The following DNM3 variants were observed in gnomAD, a reference collection of about 807,000 sequenced individuals.
DNM3 encodes dynamin 3, also known as dynamin-3.
Under a neutral mutation model 101.6 loss-of-function variants are expected in DNM3, and 47 were observed. The ratio of observed to expected loss-of-function variants is 0.46; its 90% confidence interval spans 0.37 to 0.59. The LOEUF is 0.59. DNM3 is among the 20% of genes least tolerant of loss of function. The pLI is 0.00. For synonymous variants in DNM3, 385 were observed against 387.9 expected, an observed-to-expected ratio of 0.99 and a Z score of 0.09; for missense variants, 849 against 1,085.7, an observed-to-expected ratio of 0.78 and a Z score of 3.06.
At chr1:171,959,829 T>A (rs1313315989) in intron 2 of DNM3, among the ~76,000 whole-genome samples, 1 of 151,582 alleles carries the variant, frequency 6.6e-6, no homozygotes, top group Non-Finnish European at 1.5e-5. Context: ...AGTTAGGAGG[T>A]TTGTGCTGAC....
At chr1:172,393,667 T>A (rs1057219282) in intron 20 of DNM3, 2 of 152,750 alleles carry the variant, frequency 1.3e-5, no homozygotes, top group African/African-American at 4.8e-5. Flanking sequence ...TCTTGTGACC[T>A]CTGATGTCAG....
intron 17 of DNM3, among the ~76,000 whole-genome samples, chr1:172,352,315 G>T (rs2067235825): frequency 6.6e-6 from 1 of 152,094 alleles, no homozygotes; most frequent in Non-Finnish European, 1.5e-5. Flanking sequence ...AATGACTAAA[G>T]TTCTTATATC....
chr1:171,865,515 C>CA lies in DNM3; in HGVS notation c.161+23723dup, dbSNP rs57826674. Among the ~76,000 whole-genome samples the CA allele has an allele frequency of 4.1e-3, 328 of 80,564 alleles. 3 individuals are homozygous for CA. The highest frequency in any genetic ancestry group is 0.021 in the Admixed American group (127 of 6,032). The allele number at this position is 80,564 out of a possible 152,430, so 52.9% of individuals were successfully genotyped here. A position where few individuals can be genotyped will look rare whatever the true frequency, so the allele number is the denominator to read the frequency against. On this transcript the variant is annotated intron_variant, in intron 1 of 20. Coordinates refer to ENST00000627582, the MANE Select transcript of DNM3 (RefSeq NM_015569.5). ...TGGGTGACAGAGCAAGATCCTGTCT[C>CA]AAAAAAAAAAAAAAAAAAAAAAAAA... is the stretch of plus-strand genomic sequence containing the variant.
At chr1:172,121,677 G>T (rs2056330678) in intron 13 of DNM3, among the ~76,000 whole-genome samples, 1 of 152,160 alleles carries the variant, frequency 6.6e-6, no homozygotes, top group Non-Finnish European at 1.5e-5. Flanking sequence ...GTAACTTGGA[G>T]TTCTGTTTAA....
chr1:172,281,651 A>G (rs1203385057), intron 15 of DNM3, among the ~76,000 whole-genome samples: 2 of 152,186 alleles, frequency 1.3e-5, no homozygotes, highest in Admixed American at 6.6e-5. Flanking sequence ...AAATATACCA[A>G]TGAACTTGAT....
intron 14 of DNM3, among the ~76,000 whole-genome samples, chr1:172,227,117 C>T (rs2061153828): frequency 6.6e-6 from 1 of 151,554 alleles, no homozygotes; most frequent in Non-Finnish European, 1.5e-5. Context: ...TCCTTGCATA[C>T]TCATAACTTA....
chr1:172,283,780 A>AAAAAAAAAAAAAAAAAAAAAAAAAAAAAG (rs1553221113), intron 15 of DNM3, among the ~76,000 whole-genome samples: 2 of 119,086 alleles, frequency 1.7e-5, no homozygotes, highest in African/African-American at 3.4e-5. Flanking sequence ...AAAAAAAAAA[A>AAAAAAAAAAAAAAAAAAAAAAAAAAAAAG]AAAGAAAGAA....
Position 172,066,984 on chromosome 1 carries a change from G to GT in DNM3, c.1336-1834dup, listed in dbSNP as rs2051731760. 9.2e-5 allele frequency among the ~76,000 whole-genome samples: 14 copies of GT among 152,032 alleles called. No homozygotes were observed. The South Asian group carries it at 2.7e-3, about 29-fold the overall frequency. ...TGTGTGTGTGTGTGTGTTTGTGTGT[G>GT]TGTGCGCGCGTGCAAGACTTTTGAT... On this transcript the variant is annotated intron_variant, in intron 10 of 20. Coordinates refer to ENST00000627582, the MANE Select transcript of DNM3 (RefSeq NM_015569.5).
intron 4 of DNM3, among the ~76,000 whole-genome samples, chr1:172,021,186 C>T (rs2047826886): frequency 6.6e-6 from 1 of 152,176 alleles, no homozygotes; most frequent in African/African-American, 2.4e-5. Flanking sequence ...TAAAGGAAGC[C>T]TTGGCTGGGC....
chr1:172,081,019 T>C (rs1443650960), intron 11 of DNM3, among the ~76,000 whole-genome samples: 1 of 152,206 alleles, frequency 6.6e-6, no homozygotes, highest in East Asian at 1.9e-4. Context: ...AGAAATCACC[T>C]GCTTCTGTGT....
chr1:172,404,788 C>T (rs2070760454), intron 20 of DNM3, among the ~76,000 whole-genome samples: 1 of 152,092 alleles, frequency 6.6e-6, no homozygotes, highest in Non-Finnish European at 1.5e-5. Flanking sequence ...TTTTGCCCCA[C>T]TTTTCCACTT....
At chr1:172,349,680 C>T (rs1436116091) in intron 17 of DNM3, among the ~76,000 whole-genome samples, 1 of 151,808 alleles carries the variant, frequency 6.6e-6, no homozygotes, top group African/African-American at 2.4e-5. Context: ...TTAAAAATTC[C>T]CAAACTTCAT....
intron 14 of DNM3, among the ~76,000 whole-genome samples, chr1:172,153,179 G>A (rs886859625): frequency 1.3e-5 from 2 of 152,134 alleles, no homozygotes; most frequent in Non-Finnish European, 2.9e-5. Flanking sequence ...ATGGTGTAAA[G>A]AAAGATACCT....
At chr1:172,353,935 CA>C (rs2067307560) in intron 17 of DNM3, among the ~76,000 whole-genome samples, 1 of 151,674 alleles carries the variant, frequency 6.6e-6, no homozygotes, top group African/African-American at 2.4e-5. Flanking sequence ...AAAATTTGGC[CA>C]AAAAGAGTGC....
At chr1:172,223,060 A>G (rs778800620) in intron 14 of DNM3, among the ~76,000 whole-genome samples, 3 of 152,050 alleles carry the variant, frequency 2.0e-5, no homozygotes, top group Non-Finnish European at 1.5e-5. Context: ...CACCTCAAAC[A>G]TTTATCATTT....
chr1:172,330,709 A>G (rs879444871), intron 17 of DNM3, among the ~76,000 whole-genome samples: 1 of 152,188 alleles, frequency 6.6e-6, no homozygotes, highest in Non-Finnish European at 1.5e-5. Context: ...AATGAAGAGG[A>G]AGATACTTAA....
At chr1:171,853,966 T>C (rs1469160734) in intron 1 of DNM3, among the ~76,000 whole-genome samples, 1 of 152,224 alleles carries the variant, frequency 6.6e-6, no homozygotes, top group African/African-American at 2.4e-5. Flanking sequence ...TTTCTGTGTA[T>C]GCAATGGCAA....
intron 14 of DNM3, among the ~76,000 whole-genome samples, chr1:172,223,682 G>T (rs1310145785): frequency 6.6e-6 from 1 of 152,010 alleles, no homozygotes; most frequent in South Asian, 2.1e-4. Flanking sequence ...TTCAATCTCT[G>T]TTTTACCTAC....
chr1:172,312,946 A>G (rs1194030904), intron 16 of DNM3, among the ~76,000 whole-genome samples: 1 of 152,190 alleles, frequency 6.6e-6, no homozygotes, highest in African/African-American at 2.4e-5. Context: ...AGTGGCATCT[A>G]TGGCTCTAAA....
Sources: allele counts gnomAD v4.1 joint callset (sites outside exome capture counted in the v4.1 genomes callset), GRCh38; gene constraint gnomAD v4.1.1; transcripts MANE v1.5; gene names NCBI Gene and HGNC (gene_info 2026-07-23, HGNC 2026-07-21).